The following DNAJB11 variants were observed in gnomAD, a reference collection of about 807,000 sequenced individuals.
DNAJB11 encodes dnaJ homolog subfamily B member 11.
A neutral mutation model predicts 47.2 loss-of-function variants in DNAJB11; 30 were observed. That is an observed-to-expected ratio of 0.64 (90% confidence interval 0.48 to 0.86). The LOEUF is 0.86. Ranked by LOEUF, DNAJB11 falls within the 40% of genes least tolerant of loss-of-function variation. The pLI, the probability that DNAJB11 is intolerant of heterozygous loss-of-function variation, is 0.00. For missense variants in DNAJB11, 357 were observed against 440.2 expected, an observed-to-expected ratio of 0.81 and a Z score of 1.69; for synonymous variants, 151 against 159.9, an observed-to-expected ratio of 0.94 and a Z score of 0.42.
At chr3:186,572,360 T>C in intron 2 of DNAJB11, 109 bp downstream of exon 2, 1 of 1,080,778 alleles carries the variant, frequency 9.3e-7, no homozygotes, top group African/African-American at 1.9e-5. Flanking sequence ...TATTTATTTA[T>C]TTTGAGACTG....
In DNAJB11 at chr3:186,570,949, G is replaced by A. The variant is rs1715022608; in HGVS notation, c.52G>A (p.Gly18Arg). Residue 18 changes from glycine to arginine, a missense_variant, in exon 1 of 10, where the codon GGG becomes AGG. Gly to Arg is a moderately radical substitution (Grantham distance 125). Coordinates refer to ENST00000265028, the MANE Select transcript of DNAJB11 (RefSeq NM_016306.6). Reference protein sequence around the residue: ...TFCLLLLYLIGAVIAGRDFYK... With the variant: ...TFCLLLLYLIRAVIAGRDFYK... ...TTGCCTGTTGCTGCTATACCTCATC[G>A]GGGCGGTGATTGCCGGGTGAGGAAC... The A allele has an allele frequency of 6.3e-7, 1 of 1,597,170 alleles. No individual in the cohort carries two copies. Among genetic ancestry groups the A allele is most frequent in the East Asian group, 2.3e-5 (1 of 43,120 alleles).
chr3:186,577,944 C>T (rs1177908074), intron 4 of DNAJB11, 144 bp downstream of exon 4: 2 of 632,668 alleles, frequency 3.2e-6, no homozygotes, highest in Non-Finnish European at 5.1e-6. Context: ...AATTATAATG[C>T]TTGGTTCATG....
intron 5 of DNAJB11, 109 bp downstream of exon 5, chr3:186,581,622 C>A: frequency 1.6e-6 from 2 of 1,250,020 alleles, no homozygotes; most frequent in Non-Finnish European, 2.2e-6. Flanking sequence ...CTCCCCACTG[C>A]CATGTTCTGC....
chr3:186,578,695 T>G (rs1318023038), intron 4 of DNAJB11: 4 of 152,236 alleles, frequency 2.6e-5, no homozygotes, highest in African/African-American at 9.6e-5. Flanking sequence ...ATGCCTGTTC[T>G]TTCTTTTGCC....
chr3:186,582,962 TA>T (rs1245502566), intron 7 of DNAJB11, among the ~76,000 whole-genome samples, 189 bp downstream of exon 7: 16 of 152,312 alleles, frequency 1.1e-4, no homozygotes, highest in African/African-American at 3.6e-4. Flanking sequence ...TTTATTTACT[TA>T]GGACTTAAAA....
At chr3:186,576,987 T>C (rs1715322370) in intron 3 of DNAJB11, among the ~76,000 whole-genome samples, 1 of 152,182 alleles carries the variant, frequency 6.6e-6, no homozygotes, top group Admixed American at 6.5e-5. Flanking sequence ...AACATTAGAT[T>C]AAACCACCTG....
At chr3:186,575,353 A>ATG (rs1560234973) in intron 2 of DNAJB11, among the ~76,000 whole-genome samples, 11 of 109,520 alleles carry the variant, frequency 1.0e-4, no homozygotes, top group African/African-American at 4.6e-4. Flanking sequence ...CTCCTAATAC[A>ATG]TGCGCGCGCG....
Position 186,570,961 on chromosome 3 carries a change from G to C in DNAJB11, c.64G>C (p.Ala22Pro). 6.3e-7 allele frequency: 1 copy of C among 1,591,324 alleles called. No homozygotes were observed. Among genetic ancestry groups the C allele is most frequent in the Non-Finnish European group, 8.6e-7 (1 of 1,169,416 alleles). ...LLLYLIGAVI[A>P]GRDFYKILGV... ...GCTATACCTCATCGGGGCGGTGATTGCCGGGTGAGGAACAGACACTCGCAG... is the reference window on the plus strand; with the variant it reads ...GCTATACCTCATCGGGGCGGTGATTCCCGGGTGAGGAACAGACACTCGCAG... Residue 22 changes from alanine (A) to proline (P), a missense_variant, in exon 1 of 10, where the codon GCC (alanine) becomes CCC (proline). Ala to Pro is a conservative substitution (Grantham distance 27, BLOSUM62 -1). Coordinates refer to ENST00000265028, the MANE Select transcript of DNAJB11 (RefSeq NM_016306.6).
intron 2 of DNAJB11, among the ~76,000 whole-genome samples, chr3:186,573,607 G>A (rs1419790022): frequency 2.6e-5 from 4 of 152,080 alleles, no homozygotes; most frequent in African/African-American, 7.2e-5. Context: ...GGATGGTCTC[G>A]ATCTCCTGAC....
chr3:186,584,285 G>A, intron 8 of DNAJB11, 145 bp from the exon 9 acceptor site: 1 of 804,580 alleles, frequency 1.2e-6, no homozygotes, highest in Non-Finnish European at 1.9e-6. Context: ...GACTCACATT[G>A]TCTTAATGGT....
Position 186,583,735 on chromosome 3 carries a change from A to T in DNAJB11, c.741-130A>T, listed in dbSNP as rs975357930. ...CAACTTTATATTCTCGATTAATACT[A>T]CACACAAAAGTATGTCTAAGAAATG... On this transcript the variant is annotated intron_variant, in intron 7 of 9. Transcript: ENST00000265028. The T allele has an allele frequency of 1.0e-5, 7 of 675,036 alleles. No homozygotes were observed. In the African/African-American group the frequency reaches 1.3e-4, roughly 12 times the overall value. 41.8% of individuals were successfully genotyped at this position (675,036 alleles called of 1,614,324 possible). A position where few individuals can be genotyped will look rare whatever the true frequency, so the allele number is the denominator to read the frequency against.
chr3:186,575,764 C>T (rs1039654745), intron 2 of DNAJB11, 76 bp from the exon 3 acceptor site: 2 of 1,190,208 alleles, frequency 1.7e-6, no homozygotes, highest in Non-Finnish European at 2.4e-6. Context: ...AAAGTAAAAA[C>T]AAACATAAAT....
chr3:186,585,303 A>G (rs1560238381), intron 9 of DNAJB11, 41 bp from the exon 10 acceptor site: 7 of 1,552,816 alleles, frequency 4.5e-6, no homozygotes, highest in South Asian at 1.2e-5. Context: ...GGAAAGTAAC[A>G]TTTTTTTGTT....
rs1462006657 is a variant in DNAJB11, at chr3:186,581,464, C to T, written c.550C>T (p.Arg184Cys). 30 of 1,613,588 alleles carry T rather than the reference C, an allele frequency of 1.9e-5. No individual in the cohort carries two copies. The highest frequency in any genetic ancestry group is 2.5e-5 in the Non-Finnish European group (30 of 1,179,908). The change falls in exon 5 of 10, where the codon CGC (arginine) becomes TGC (cysteine). Residue 184 changes from arginine to cysteine, a missense_variant. Transcript: ENST00000265028. ...GCGGACCACCCAGCTGGGCCCTGGGCGCTTCCAAATGACCCAGGAGGTGGT... is the reference window on the plus strand; with the variant it reads ...GCGGACCACCCAGCTGGGCCCTGGGTGCTTCCAAATGACCCAGGAGGTGGT... ...EMRTTQLGPGRFQMTQEVVCD... is the reference protein window; with the variant it reads ...EMRTTQLGPGCFQMTQEVVCD...
intron 4 of DNAJB11, 35 bp from the exon 5 acceptor site, chr3:186,581,336 A>C (rs1193066879): frequency 1.2e-6 from 2 of 1,610,456 alleles, no homozygotes; most frequent in Admixed American, 1.7e-5. Context: ...TGTTTTACAC[A>C]AGAGAGAAGC....
intron 2 of DNAJB11, among the ~76,000 whole-genome samples, chr3:186,572,759 A>G (rs1427411867): frequency 6.6e-6 from 1 of 152,258 alleles, no homozygotes; most frequent in Admixed American, 6.5e-5. Context: ...TTGGGAAGCA[A>G]TAAGGATTGT....
At chr3:186,571,130 G>A (rs989506234) in intron 1 of DNAJB11, among the ~76,000 whole-genome samples, 165 bp downstream of exon 1, 1 of 152,150 alleles carries the variant, frequency 6.6e-6, no homozygotes, top group Non-Finnish European at 1.5e-5. Flanking sequence ...AGGCTAGTGG[G>A]GTGAGAGGAG....
chr3:186,582,906 CA>C, intron 7 of DNAJB11, 133 bp downstream of exon 7: 2 of 688,468 alleles, frequency 2.9e-6, no homozygotes, highest in Non-Finnish European at 5.1e-6. Context: ...AACTCCTCTA[CA>C]AGGCTGAAAA....
chr3:186,583,485 TCTCA>T (rs1470063119), intron 7 of DNAJB11, among the ~76,000 whole-genome samples: 1 of 152,208 alleles, frequency 6.6e-6, no homozygotes, highest in Non-Finnish European at 1.5e-5. Flanking sequence ...CAGAATTCCT[TCTCA>T]CTCTATTTCC....
Sources: gnomAD v4.1 joint callset for allele counts (sites outside exome capture counted in the v4.1 genomes callset) on GRCh38, gnomAD v4.1.1 for gene constraint, MANE v1.5 for transcripts, NCBI Gene and HGNC (gene_info 2026-07-23, HGNC 2026-07-21) for gene names.